HSPA12B: variants seen among roughly 807,000 people sequenced by gnomAD.
HSPA12B encodes heat shock protein family A (Hsp70) member 12B, also known as heat shock 70 kDa protein 12B.
Under a neutral mutation model 69.3 loss-of-function variants are expected in HSPA12B, and 54 were observed. The ratio of observed to expected loss-of-function variants is 0.78; its 90% CI spans 0.63 to 0.98. The LOEUF is 0.98. HSPA12B is among the 50% of genes least tolerant of loss of function. The pLI is 0.00. For synonymous variants in HSPA12B, 441 were observed against 436.5 expected (o/e 1.01, Z -0.13); for missense variants, 929 against 999.8 (o/e 0.93, Z 0.96).
At chr20:3,743,119 C>T (rs1600317389) in intron 4 of HSPA12B, among the ~76,000 whole-genome samples, 1 of 149,434 alleles carries the variant, frequency 6.7e-6, no homozygotes, top group Non-Finnish European at 1.5e-5. Context: ...TTCCTGACTT[C>T]GGGTGATCCG....
In HSPA12B at chr20:3,751,572, C is replaced by T. The variant is rs755218453; in HGVS notation, c.1467C>T (p.Phe489=). Residue 489 remains phenylalanine, a synonymous_variant, in exon 13 of 13, where the codon TTC becomes TTT. Coordinates refer to ENST00000254963, the MANE Select transcript of HSPA12B (RefSeq NM_052970.5). The part of the protein sequence containing the change: ...GVKLLFLVGG[F]AESAVLQHAV... Reference sequence around the variant, plus strand: ...AGCTGCTGTTCCTAGTGGGCGGCTTCGCCGAGTCAGCGGTGCTGCAGCACG... The same window carrying T: ...AGCTGCTGTTCCTAGTGGGCGGCTTTGCCGAGTCAGCGGTGCTGCAGCACG... The T allele has an allele frequency of 1.3e-6, 2 of 1,496,510 alleles. No individual in the cohort carries two copies. Among genetic ancestry groups the T allele is most frequent in the Non-Finnish European group, 1.8e-6 (2 of 1,125,238 alleles). The allele number at this position is 1,496,510 out of a possible 1,614,324, so 92.7% of individuals were successfully genotyped here.
chr20:3,736,287 C>G (rs1007835661), intron 1 of HSPA12B, among the ~76,000 whole-genome samples: 1 of 152,208 alleles, frequency 6.6e-6, no homozygotes, highest in African/African-American at 2.4e-5. Context: ...ATATGCATGC[C>G]CACAACCAGC....
Position 3,737,727 on chromosome 20 carries a change from G to A in HSPA12B, c.-17-931G>A, listed in dbSNP as rs969436049. On this transcript the variant is annotated intron_variant, in intron 1 of 12. Coordinates refer to ENST00000254963, the MANE Select transcript of HSPA12B (RefSeq NM_052970.5). The surrounding 1 kb of genome is among the most constrained non-coding windows in gnomAD (Gnocchi z 4.1). ...AAAACAAACAAACAACGAAGGCCAG[G>A]CACGGTGGCTCATGCCTGTAATCCC... 1.3e-5 allele frequency among the ~76,000 whole-genome samples: 2 copies of A among 152,214 alleles called. No homozygotes were observed. The highest frequency in any genetic ancestry group is 2.9e-5 in the Non-Finnish European group (2 of 68,044).
rs2088271398 is a variant in HSPA12B, at chr20:3,745,041, G to A, written c.406G>A (p.Asp136Asn). The A allele has an allele frequency of 4.3e-6, 7 of 1,613,990 alleles. No homozygotes were observed. The South Asian group carries it at 4.4e-5, about 10-fold the overall frequency. ...YHDLDPEEAR[D>N]WLYFEKFKMK... Reference sequence around the variant, plus strand: ...TGACCTGGACCCCGAAGAGGCGCGGGACTGGCTCTACTTCGAGAAGTTCAA... The same window carrying A: ...TGACCTGGACCCCGAAGAGGCGCGGAACTGGCTCTACTTCGAGAAGTTCAA... Residue 136 changes from aspartate (D) to asparagine (N), a missense_variant, in exon 5 of 13, where the codon GAC becomes AAC. By Grantham distance (23) the Asp-to-Asn change is conservative. Around this residue, in one of 3 missense-constraint regions of HSPA12B, gnomAD observed 477 missense variants for 535.2 expected, o/e 0.89. Transcript: ENST00000254963. The surrounding 1 kb of genome is among the most constrained non-coding windows in gnomAD (Gnocchi z 5.6).
chr20:3,742,413 G>C lies in HSPA12B; in HGVS notation c.266+5G>C. ...TGAGGCCATCCACATGATGAGGTGA[G>C]GTCGGCTGGGCTGAGAGAGTGAGGT... On this transcript the variant is annotated splice_donor_5th_base_variant and intron_variant, in intron 4 of 12. Coordinates refer to ENST00000254963, the MANE Select transcript of HSPA12B (RefSeq NM_052970.5). 6.2e-7 allele frequency: 1 copy of C among 1,606,310 alleles called. No homozygotes were observed. Among genetic ancestry groups the C allele is most frequent in the Non-Finnish European group, 8.5e-7 (1 of 1,173,580 alleles).
rs2088286209 is a variant in HSPA12B, at chr20:3,745,626, G to A, written c.558+29G>A. 1 of 1,584,192 alleles carries A rather than the reference G, an allele frequency of 6.3e-7. No homozygotes were observed. Among genetic ancestry groups the A allele is most frequent in the East Asian group, 2.2e-5 (1 of 44,698 alleles). On this transcript the variant is annotated intron_variant, in intron 6 of 12. Transcript: ENST00000254963. The surrounding 1 kb of genome is among the most constrained non-coding windows in gnomAD (Gnocchi z 5.6). ...CGCTGCGGCCCCACCTCTGCCGACT[G>A]TGGCAGGGACCCCCTATTTTCCCCT...
At position 3,751,971 on chromosome 20, in the gene HSPA12B, C is replaced by A; in HGVS notation, c.1866C>A (p.Pro622=). The A allele has an allele frequency of 6.3e-7, 1 of 1,578,576 alleles. No homozygotes were observed. The highest frequency in any genetic ancestry group is 1.4e-5 in the African/African-American group (1 of 73,714). ...AGGATGCGCGCTTCATCACCGACCC[C>A]GGCGTGCGCAAATGCGGCGCGCTCA... The part of the protein sequence containing the change: ...AAEDARFITD[P]GVRKCGALSL... The change falls in exon 13 of 13, where the codon CCC becomes CCA. Residue 622 remains proline (P), a synonymous_variant. Coordinates refer to ENST00000254963, the MANE Select transcript of HSPA12B (RefSeq NM_052970.5).
At chr20:3,736,831 T>C (rs1332432700) in intron 1 of HSPA12B, among the ~76,000 whole-genome samples, 2 of 152,176 alleles carry the variant, frequency 1.3e-5, no homozygotes, top group Non-Finnish European at 2.9e-5. Flanking sequence ...GAGACCAGCC[T>C]GGCCAATATG....
rs1278277820 is a variant in HSPA12B, at chr20:3,744,342, C to T, written c.267-560C>T. Among the ~76,000 whole-genome samples, 1 of 152,250 alleles carries T rather than the reference C, an allele frequency of 6.6e-6. No individual in the cohort carries two copies. Among genetic ancestry groups the T allele is most frequent in the Non-Finnish European group, 1.5e-5 (1 of 68,044 alleles). On this transcript the variant is annotated intron_variant, in intron 4 of 12. Coordinates refer to ENST00000254963, the MANE Select transcript of HSPA12B (RefSeq NM_052970.5). The surrounding 1 kb of genome is among the most constrained non-coding windows in gnomAD (Gnocchi z 4.9). ...GCATCCCAGATGTCTTGCTGATCAACACACATGGCTGAGGCCATGCTGGGG... is the reference window on the plus strand; with the variant it reads ...GCATCCCAGATGTCTTGCTGATCAATACACATGGCTGAGGCCATGCTGGGG...
Position 3,746,045 on chromosome 20 carries a change from G to A in HSPA12B, c.675+14G>A, listed in dbSNP as rs6052061. On this transcript the variant is annotated intron_variant, in intron 7 of 12. Transcript: ENST00000254963. ...GCTGCCTACCTGGTGAGGACGTGCAGGCGGGCCCGAGAACACTGCTCAGGA... is the reference window on the plus strand; with the variant it reads ...GCTGCCTACCTGGTGAGGACGTGCAAGCGGGCCCGAGAACACTGCTCAGGA... 6.2e-7 allele frequency: 1 copy of A among 1,603,338 alleles called. No homozygotes were observed. Among genetic ancestry groups the A allele is most frequent in the Admixed American group, 1.7e-5 (1 of 59,954 alleles).
Position 3,740,883 on chromosome 20 carries a change from A to G in HSPA12B, c.112A>G (p.Ile38Val). The G allele has an allele frequency of 6.2e-7, 1 of 1,613,634 alleles. No homozygotes were observed. The highest frequency in any genetic ancestry group is 1.7e-5 in the Admixed American group (1 of 59,966). Residue 38 changes from isoleucine (I) to valine (V), a missense_variant, in exon 3 of 13, where the codon ATT becomes GTT. By Grantham distance (29) the Ile-to-Val change is conservative. Coordinates refer to ENST00000254963, the MANE Select transcript of HSPA12B (RefSeq NM_052970.5). The surrounding 1 kb of genome is among the most constrained non-coding windows in gnomAD (Gnocchi z 4.9). Reference sequence around the variant, plus strand: ...CCCGAGGACCCAGGAAAGCTGCGGCATTGCCCCCCTCACACCCTCGCAGTC... The same window carrying G: ...CCCGAGGACCCAGGAAAGCTGCGGCGTTGCCCCCCTCACACCCTCGCAGTC... ...GSPRTQESCG[I>V]APLTPSQSPK...
intron 4 of HSPA12B, among the ~76,000 whole-genome samples, chr20:3,743,897 TAAAAC>T (rs1203602140): frequency 2.6e-5 from 4 of 151,952 alleles, no homozygotes; most frequent in African/African-American, 4.8e-5. Flanking sequence ...GAAAAAATAA[TAAAAC>T]AAGAAATAAA....
chr20:3,745,553 G>A lies in HSPA12B; in HGVS notation c.514G>A (p.Val172Met), dbSNP rs991502883. The change falls in exon 6 of 13, where the codon GTG becomes ATG. Residue 172 changes from valine to methionine, a missense_variant. Physicochemically the swap from Val to Met is conservative, Grantham distance 21. This residue lies in a region of HSPA12B where 477 missense variants were observed against 535.2 expected (regional missense o/e 0.89). Transcript: ENST00000254963. This position sits in a 1 kb window ranked among gnomAD's most constrained non-coding sequence, Gnocchi z 5.6. ...TGGAAAGACGATGCCCGCCCTGGAGGTGTTCGCCCATGCCCTGCGCTTCTT... is the reference window on the plus strand; with the variant it reads ...TGGAAAGACGATGCCCGCCCTGGAGATGTTCGCCCATGCCCTGCGCTTCTT... ...VNGKTMPALE[V>M]FAHALRFFRE... 1 of 1,614,174 alleles carries A rather than the reference G, an allele frequency of 6.2e-7. No individual in the cohort carries two copies. The highest frequency in any genetic ancestry group is 8.5e-7 in the Non-Finnish European group (1 of 1,180,026).
Position 3,753,106 on chromosome 20 carries a change from G to A in HSPA12B, c.*940G>A, listed in dbSNP as rs1265283686. Reference sequence around the variant, plus strand: ...GTGACAATAAAACATTTATGCTCAAGGGGAAGCCACAGCCTGCTGATATGG... The same window carrying A: ...GTGACAATAAAACATTTATGCTCAAAGGGAAGCCACAGCCTGCTGATATGG... On this transcript the variant is annotated 3_prime_UTR_variant, in exon 13 of 13. Coordinates refer to ENST00000254963, the MANE Select transcript of HSPA12B (RefSeq NM_052970.5). The A allele has an allele frequency of 6.5e-6, 1 of 152,676 alleles. No homozygotes were observed. The highest frequency in any genetic ancestry group is 1.9e-4 in the East Asian group (1 of 5,192). 9.5% of individuals were successfully genotyped at this position (152,676 alleles called of 1,614,324 possible).
rs2146545740 is a variant in HSPA12B, at chr20:3,732,710, C to G, written c.-102C>G. On this transcript the variant is annotated 5_prime_UTR_variant, in exon 1 of 13. Coordinates refer to ENST00000254963, the MANE Select transcript of HSPA12B (RefSeq NM_052970.5). Reference sequence around the variant, plus strand: ...AGGGCCGGGCGCACGTCGAGGGCTGCGGCCGCCGCAGCGGGCACGGCCAAC... The same window carrying G: ...AGGGCCGGGCGCACGTCGAGGGCTGGGGCCGCCGCAGCGGGCACGGCCAAC... 1 of 151,560 alleles carries G rather than the reference C, an allele frequency of 6.6e-6. No individual in the cohort carries two copies. The highest frequency in any genetic ancestry group is 1.5e-5 in the Non-Finnish European group (1 of 67,680). 9.4% of individuals were successfully genotyped at this position (151,560 alleles called of 1,614,324 possible).
chr20:3,744,659 A>G lies in HSPA12B; in HGVS notation c.267-243A>G, dbSNP rs2088263134. Among the ~76,000 whole-genome samples the G allele has an allele frequency of 6.6e-6, 1 of 152,160 alleles. No individual in the cohort carries two copies. Among genetic ancestry groups the G allele is most frequent in the Admixed American group, 6.5e-5 (1 of 15,282 alleles). On this transcript the variant is annotated intron_variant, in intron 4 of 12. Coordinates refer to ENST00000254963, the MANE Select transcript of HSPA12B (RefSeq NM_052970.5). The surrounding 1 kb of genome is among the most constrained non-coding windows in gnomAD (Gnocchi z 4.9). ...GGGAGCCAGTGACCTTTCTTTCTAA[A>G]GGCAAATGTGGTCATACCTCTTGGC...
At chr20:3,743,215 G>A (rs553553512) in intron 4 of HSPA12B, among the ~76,000 whole-genome samples, 56 of 131,828 alleles carry the variant, frequency 4.2e-4, no homozygotes, top group Non-Finnish European at 5.7e-4. Context: ...ACAGGGTCTC[G>A]CTCTGTCACA....
In HSPA12B at chr20:3,751,585, G is replaced by A; in HGVS notation, c.1480G>A (p.Val494Met). The change falls in exon 13 of 13, where the codon GTG becomes ATG. Residue 494 changes from valine to methionine, a missense_variant. Val to Met is a conservative substitution (Grantham distance 21). This residue lies in a region of HSPA12B where 448 missense variants were observed against 448.1 expected (regional missense o/e 1.00). Coordinates refer to ENST00000254963, the MANE Select transcript of HSPA12B (RefSeq NM_052970.5). ...AGTGGGCGGCTTCGCCGAGTCAGCG[G>A]TGCTGCAGCACGCGGTGCAGGCGGC... is the stretch of plus-strand genomic sequence containing the variant. ...FLVGGFAESA[V>M]LQHAVQAALG... 6.6e-7 allele frequency: 1 copy of A among 1,516,670 alleles called. No individual in the cohort carries two copies. The highest frequency in any genetic ancestry group is 8.8e-7 in the Non-Finnish European group (1 of 1,136,142). The allele number at this position is 1,516,670 out of a possible 1,614,324, so 94.0% of individuals were successfully genotyped here. A position where few individuals can be genotyped will look rare whatever the true frequency, so the allele number is the denominator to read the frequency against.
intron 1 of HSPA12B, among the ~76,000 whole-genome samples, chr20:3,736,208 C>T (rs148982693): frequency 6.6e-6 from 1 of 152,320 alleles, no homozygotes; most frequent in East Asian, 1.9e-4. Context: ...GGGCTCCTGC[C>T]CCTGGCTCCT....
Sources: gnomAD v4.1 joint callset for allele counts (sites outside exome capture counted in the v4.1 genomes callset) on GRCh38, gnomAD v4.1.1 for gene constraint, gnomAD v4.1.1 regional missense constraint, Gnocchi (gnomAD v3.1) non-coding constraint, MANE v1.5 for transcripts, NCBI Gene and HGNC (gene_info 2026-07-23, HGNC 2026-07-21) for gene names.